Variants in ALS2CL observed in about 807,000 individuals in gnomAD.
ALS2CL encodes the protein ALS2 C-terminal like.
A neutral mutation model predicts 127.9 loss-of-function variants in ALS2CL; 112 were observed. The observed-to-expected ratio is 0.88, with a 90% CI of 0.75 to 1.02. The LOEUF (loss-of-function observed/expected upper bound fraction) is 1.02. Ranked by LOEUF, ALS2CL falls within the 50% of genes least tolerant of loss-of-function variation. The pLI is 0.00. For missense variants in ALS2CL, 1,174 were observed against 1,236.7 expected (o/e 0.95, Z 0.76); for synonymous variants, 519 against 527.6 (o/e 0.98, Z 0.22).
In ALS2CL at chr3:46,683,210, TGCGCA is replaced by T; in HGVS notation, c.1024_1028del (p.Cys342ArgfsTer60). The T allele has an allele frequency of 6.2e-7, 1 of 1,609,718 alleles. No homozygotes were observed. The highest frequency in any genetic ancestry group is 8.5e-7 in the Non-Finnish European group (1 of 1,178,056). On this transcript the variant is annotated frameshift_variant, in exon 10 of 26. Coordinates refer to ENST00000318962, the MANE Select transcript of ALS2CL (RefSeq NM_147129.5). LOFTEE classifies it high-confidence loss of function. ...GGCCCTCTGCCTGGAAGGTATATTC[TGCGCA>T]GCGGCAGTCGGGAGGCTGGGAGGGC...
intron 1 of ALS2CL, 35 bp downstream of exon 1, chr3:46,693,608 C>G (rs11719061): frequency 0.34 from 51,932 of 152,272 alleles, 8,974 homozygotes; most frequent in South Asian, 0.38. Context: ...CGCAGACACC[C>G]GTCCGCAGAC....
chr3:46,680,859 A>C, intron 13 of ALS2CL: 1 of 521,934 alleles, frequency 1.9e-6, no homozygotes, highest in East Asian at 3.4e-5. Flanking sequence ...GTGGTCCAGA[A>C]AGGCTGGAGG....
chr3:46,673,138 T>C (rs1192609402), intron 22 of ALS2CL, among the ~76,000 whole-genome samples: 2 of 152,216 alleles, frequency 1.3e-5, no homozygotes, highest in Admixed American at 6.5e-5. Context: ...GGTAAGAACC[T>C]GTGTTTGAGC....
chr3:46,683,871 T>C, intron 8 of ALS2CL, 23 bp from the exon 9 acceptor site: 1 of 1,613,872 alleles, frequency 6.2e-7, no homozygotes, highest in Non-Finnish European at 8.5e-7. Context: ...AGGTGATGAG[T>C]AGGCCCCAGC....
chr3:46,670,667 G>A lies in ALS2CL; in HGVS notation c.*317C>T. The A allele has an allele frequency of 2.8e-6, 1 of 360,066 alleles. No individual in the cohort carries two copies. Among genetic ancestry groups the A allele is most frequent in the South Asian group, 3.2e-5 (1 of 31,008 alleles). The allele number at this position is 360,066 out of a possible 1,614,324, so 22.3% of individuals were successfully genotyped here. ...AGATGGCAGCACTGAGGCCCGGAGA[G>A]GCTCTGGAACTTGGGAGAAAGGCTC... On this transcript the variant is annotated 3_prime_UTR_variant, in exon 26 of 26. Transcript: ENST00000318962. This position sits in a 1 kb window ranked among gnomAD's most constrained non-coding sequence, Gnocchi z 5.5.
intron 21 of ALS2CL, among the ~76,000 whole-genome samples, chr3:46,673,637 G>A (rs936455184): frequency 2.6e-5 from 4 of 152,112 alleles, no homozygotes; most frequent in Non-Finnish European, 5.9e-5. Flanking sequence ...GAGGGGTGAG[G>A]AGACTGCACT....
At position 46,683,424 on chromosome 3, in the gene ALS2CL, C is replaced by A. The variant is rs1368511165; in HGVS notation, c.913-98G>T. 7.6e-6 allele frequency: 9 copies of A among 1,188,282 alleles called. No individual in the cohort carries two copies. The African/African-American group carries it at 9.3e-5, about 12-fold the overall frequency. The allele number at this position is 1,188,282 out of a possible 1,614,324, so 73.6% of individuals were successfully genotyped here. A position where few individuals can be genotyped will look rare whatever the true frequency, so the allele number is the denominator to read the frequency against. ...TAGCTCCAGGTACCACCCCCTCCAC[C>A]CTCCACCTCCTACTCCATTTTGTCA... On this transcript the variant is annotated intron_variant, in intron 9 of 25. Transcript: ENST00000318962.
At chr3:46,683,070 T>C in intron 10 of ALS2CL, 60 bp downstream of exon 10, 1 of 1,461,978 alleles carries the variant, frequency 6.8e-7, no homozygotes, top group South Asian at 1.4e-5. Context: ...TGTGTGCTGC[T>C]CTCTGCCCCG....
intron 21 of ALS2CL, among the ~76,000 whole-genome samples, chr3:46,674,012 G>A (rs958003173): frequency 1.2e-4 from 18 of 152,164 alleles, no homozygotes; most frequent in Non-Finnish European, 2.9e-5. Flanking sequence ...TTTGGAGACT[G>A]AGGGTGGAAG....
Position 46,681,524 on chromosome 3 carries a change from C to T in ALS2CL, c.1250G>A (p.Ser417Asn). ...CTCACAGATGCCGTAGCCACACATG[C>T]TGCCTTCTCGCCAGTGACACTTGTA... is the stretch of plus-strand genomic sequence containing the variant. ...DCYKCHWREG[S>N]MCGYGICEYS... The change falls in exon 12 of 26, where the codon AGC (serine) becomes AAC (asparagine). Residue 417 changes from serine (S) to asparagine (N), a missense_variant. By Grantham distance (46) the Ser-to-Asn change is conservative. Transcript: ENST00000318962. The surrounding 1 kb of genome is among the most constrained non-coding windows in gnomAD (Gnocchi z 4.9). 3 of 1,614,174 alleles carry T rather than the reference C, an allele frequency of 1.9e-6. No homozygotes were observed. Among genetic ancestry groups the T allele is most frequent in the Non-Finnish European group, 2.5e-6 (3 of 1,180,010 alleles).
At chr3:46,680,120 G>C (rs1473017603) in intron 14 of ALS2CL, 2 of 354,424 alleles carry the variant, frequency 5.6e-6, no homozygotes, top group African/African-American at 4.1e-5. Context: ...GTCAAGTTAG[G>C]ACTCTGTGAA....
At chr3:46,684,251 C>A (rs900910442) in intron 7 of ALS2CL, among the ~76,000 whole-genome samples, 1 of 152,190 alleles carries the variant, frequency 6.6e-6, no homozygotes, top group Non-Finnish European at 1.5e-5. Flanking sequence ...CAGAGCTTGG[C>A]CAGGAACTCA....
chr3:46,681,345 A>G lies in ALS2CL; in HGVS notation c.1337T>C (p.Val446Ala). The G allele has an allele frequency of 6.2e-7, 1 of 1,611,074 alleles. No homozygotes were observed. Among genetic ancestry groups the G allele is most frequent in the Non-Finnish European group, 8.5e-7 (1 of 1,177,832 alleles). ...GGGGGCCTGCGGACCACTCTCAAGG[A>G]CCCCAAATCCGTGCCGCAGGCCCTC... ...FQEGLRHGFG[V>A]LESGPQAPQP... The change falls in exon 13 of 26, where the codon GTC becomes GCC. Residue 446 changes from valine to alanine, a missense_variant. Transcript: ENST00000318962. This position sits in a 1 kb window ranked among gnomAD's most constrained non-coding sequence, Gnocchi z 4.9.
In ALS2CL at chr3:46,674,661, C is replaced by T; in HGVS notation, c.2334G>A (p.Leu778=). Residue 778 remains leucine (L), a synonymous_variant, in exon 21 of 26, where the codon CTG becomes CTA. Coordinates refer to ENST00000318962, the MANE Select transcript of ALS2CL (RefSeq NM_147129.5). ...FYSELFTLYL[L]LHEREDSFYS... The stretch of plus-strand genomic sequence containing the variant: ...AGAAGCTGTCCTCCCGCTCATGAAG[C>T]AGCAGGTAGAGCGTGAAGAGCTCTG... 1.9e-6 allele frequency: 3 copies of T among 1,614,174 alleles called. No homozygotes were observed. The highest frequency in any genetic ancestry group is 2.5e-6 in the Non-Finnish European group (3 of 1,180,030).
Position 46,683,329 on chromosome 3 carries a change from G to A in ALS2CL, c.913-3C>T, listed in dbSNP as rs766976277. The A allele has an allele frequency of 1.3e-6, 2 of 1,576,404 alleles. No homozygotes were observed. Among genetic ancestry groups the A allele is most frequent in the South Asian group, 2.3e-5 (2 of 86,650 alleles). ...GTCACCTTCCACTGCCAGACTGCCT[G>A]GTGGGAGGGGGAACATGGGGAAGGG... On this transcript the variant is annotated splice_region_variant and splice_polypyrimidine_tract_variant and intron_variant, in intron 9 of 25. Transcript: ENST00000318962.
chr3:46,680,546 A>C lies in ALS2CL; in HGVS notation c.1437-5T>G. The C allele has an allele frequency of 6.2e-7, 1 of 1,610,278 alleles. No individual in the cohort carries two copies. Among genetic ancestry groups the C allele is most frequent in the Non-Finnish European group, 8.5e-7 (1 of 1,179,126 alleles). ...ATGCCAATGTAGCGCTCACCTCTGGAAGGAGAGGAATGTGGCCAGAGTTGG... is the reference window on the plus strand; with the variant it reads ...ATGCCAATGTAGCGCTCACCTCTGGCAGGAGAGGAATGTGGCCAGAGTTGG... On this transcript the variant is annotated splice_polypyrimidine_tract_variant and splice_region_variant and intron_variant, in intron 13 of 25. Transcript: ENST00000318962.
intron 16 of ALS2CL, 92 bp from the exon 17 acceptor site, chr3:46,677,114 AT>A (rs1698914901): frequency 1.3e-6 from 2 of 1,502,656 alleles, no homozygotes; most frequent in East Asian, 2.3e-5. Flanking sequence ...GGGTGGGGGT[AT>A]GAGCCTGGCC....
chr3:46,677,625 C>T (rs1439134568), intron 16 of ALS2CL, among the ~76,000 whole-genome samples: 1 of 152,230 alleles, frequency 6.6e-6, no homozygotes, highest in Non-Finnish European at 1.5e-5. Context: ...TACTCCCTCC[C>T]TACATCTGAA....
intron 20 of ALS2CL, 143 bp downstream of exon 20, chr3:46,675,470 CACAAA>C (rs1698737798): frequency 2.7e-6 from 2 of 751,762 alleles, no homozygotes; most frequent in African/African-American, 3.5e-5. Context: ...CATTCTAATC[CACAAA>C]CGATCAATGC....
Sources: allele counts gnomAD v4.1 joint callset (sites outside exome capture counted in the v4.1 genomes callset), GRCh38; gene constraint gnomAD v4.1.1; non-coding constraint Gnocchi (gnomAD v3.1); transcripts MANE v1.5; gene names NCBI Gene and HGNC (gene_info 2026-07-23, HGNC 2026-07-21).